Variants in ETS2 observed in about 807,000 individuals in gnomAD.
The protein encoded by ETS2 is protein C-ets-2.
In ETS2, 19 loss-of-function variants were observed where a neutral mutation model predicts 54.9. The ratio of observed to expected loss-of-function variants is 0.35; its 90% CI spans 0.24 to 0.51. The LOEUF (loss-of-function observed/expected upper bound fraction) is 0.51. Among genes scored for constraint, ETS2 ranks in the 20% least tolerant of loss-of-function variants. The pLI is 0.97. For synonymous variants in ETS2, 219 were observed against 229.3 expected (o/e 0.95, Z 0.41); for missense variants, 417 against 593.0 (o/e 0.70, Z 3.08).
At chr21:38,805,645 C>CG (rs2060888832), upstream of ETS2, 2 of 1,204,182 alleles carry the variant, frequency 1.7e-6, no homozygotes, top group Non-Finnish European at 2.1e-6. The surrounding 1 kb of genome is among the most constrained non-coding windows in gnomAD (Gnocchi z 5.2). Context: ...AGCCCCGCCC[C>CG]GCGCTCCCTC....
intron 7 of ETS2, among the ~76,000 whole-genome samples, chr21:38,819,275 T>C (rs1225917044): frequency 6.6e-6 from 1 of 152,258 alleles, no homozygotes; most frequent in Non-Finnish European, 1.5e-5. Flanking sequence ...CTGTATAGTA[T>C]TCCATTATAA....
rs1253487930 is a variant in ETS2, at chr21:38,806,557, C to T, written c.-1+437C>T. 1.9e-5 allele frequency: 19 copies of T among 985,352 alleles called. No individual in the cohort carries two copies. Among genetic ancestry groups the T allele is most frequent in the Non-Finnish European group, 2.3e-5 (19 of 830,014 alleles). The allele number at this position is 985,352 out of a possible 1,614,324, so 61.0% of individuals were successfully genotyped here. ...GAGCGTGTCCGAGGTGGCCTGGCGC[C>T]CCGGCTTTGAGGGTGACTTCCTGGA... On this transcript the variant is annotated intron_variant, in intron 1 of 9. Coordinates refer to ENST00000360938, the MANE Select transcript of ETS2 (RefSeq NM_005239.6). The surrounding 1 kb of genome is among the most constrained non-coding windows in gnomAD (Gnocchi z 4.3).
chr21:38,819,582 C>T lies in ETS2; in HGVS notation c.891C>T (p.Asn297=), dbSNP rs2060949254. The change falls in exon 8 of 10, where the codon AAC becomes AAT. Residue 297 remains asparagine, a synonymous_variant. Coordinates refer to ENST00000360938, the MANE Select transcript of ETS2 (RefSeq NM_005239.6). ...ESSDSLLQSW[N]SQSSLLDVQR... is the part of the protein sequence containing the mutation. ...CAGACTCCCTCCTCCAGTCCTGGAACAGCCAGTCGTCCTTGCTGGATGTGC... is the reference window on the plus strand; with the variant it reads ...CAGACTCCCTCCTCCAGTCCTGGAATAGCCAGTCGTCCTTGCTGGATGTGC... 1.2e-6 allele frequency: 2 copies of T among 1,614,198 alleles called. No homozygotes were observed. The highest frequency in any genetic ancestry group is 2.2e-5 in the East Asian group (1 of 44,880).
upstream of ETS2, chr21:38,805,399 G>A (rs1261799183): frequency 3.6e-5 from 46 of 1,288,720 alleles, no homozygotes; most frequent in Non-Finnish European, 4.6e-5. The surrounding 1 kb of genome is among the most constrained non-coding windows in gnomAD (Gnocchi z 5.2). Context: ...CTGCCCTTCG[G>A]TGCCACCAGC....
rs568367551 is a variant in ETS2 at position 38,819,598 on chromosome 21, C to A, written c.907C>A (p.Leu303Met). 7.4e-6 allele frequency: 12 copies of A among 1,614,214 alleles called. No homozygotes were observed. In the South Asian group the frequency reaches 1.3e-4, roughly 18 times the overall value. Residue 303 changes from leucine to methionine, a missense_variant, in exon 8 of 10, where the codon CTG becomes ATG. By Grantham distance (15) the Leu-to-Met change is conservative. This residue lies in a region of ETS2 where 326 missense variants were observed against 426.1 expected (regional missense o/e 0.76). Transcript: ENST00000360938. Reference sequence around the variant, plus strand: ...GTCCTGGAACAGCCAGTCGTCCTTGCTGGATGTGCAACGGGTTCCTTCCTT... The same window carrying A: ...GTCCTGGAACAGCCAGTCGTCCTTGATGGATGTGCAACGGGTTCCTTCCTT... ...LQSWNSQSSLLDVQRVPSFES... is the reference protein window; with the variant it reads ...LQSWNSQSSLMDVQRVPSFES...
chr21:38,821,469 C>T lies in ETS2; in HGVS notation c.1076-117C>T. 3.8e-6 allele frequency: 3 copies of T among 782,508 alleles called. No homozygotes were observed. The highest frequency in any genetic ancestry group is 3.1e-5 in the South Asian group (2 of 65,088). The allele number at this position is 782,508 out of a possible 1,614,324, so 48.5% of individuals were successfully genotyped here. A position where few individuals can be genotyped will look rare whatever the true frequency, so the allele number is the denominator to read the frequency against. On this transcript the variant is annotated intron_variant, in intron 8 of 9. Transcript: ENST00000360938. This position sits in a 1 kb window ranked among gnomAD's most constrained non-coding sequence, Gnocchi z 4.2. ...CACCCTGAGTGTAACATCGGAACCC[C>T]ATTCAGAGAGTTGGGTCTGCATTCC... is the stretch of plus-strand genomic sequence containing the variant.
chr21:38,819,837 C>T (rs2060950882), intron 8 of ETS2, 71 bp downstream of exon 8: 2 of 1,465,510 alleles, frequency 1.4e-6, no homozygotes. Flanking sequence ...TTTCGAGCCA[C>T]AGTACCACAT....
At chr21:38,816,252 G>A (rs966281333) in intron 5 of ETS2, among the ~76,000 whole-genome samples, 8 of 151,942 alleles carry the variant, frequency 5.3e-5, no homozygotes, top group African/African-American at 1.5e-4. Flanking sequence ...TCAGAATCTC[G>A]AAAACACCTA....
rs776789283 is a variant in ETS2 at position 38,814,869 on chromosome 21, G to T, written c.393G>T (p.Arg131Ser). The part of the protein sequence containing the change: ...EFSLVNVNLQ[R>S]FGMNGQMLCN... Reference sequence around the variant, plus strand: ...GTCTGGTGAACGTGAATCTGCAGAGGTTCGGCATGAATGGCCAGATGCTGT... The same window carrying T: ...GTCTGGTGAACGTGAATCTGCAGAGTTTCGGCATGAATGGCCAGATGCTGT... Residue 131 changes from arginine to serine, a missense_variant, in exon 5 of 10, where the codon AGG becomes AGT. Physicochemically the swap from Arg to Ser is moderately radical, Grantham distance 110. Coordinates refer to ENST00000360938, the MANE Select transcript of ETS2 (RefSeq NM_005239.6). The surrounding 1 kb of genome is among the most constrained non-coding windows in gnomAD (Gnocchi z 4.2). The T allele has an allele frequency of 6.2e-7, 1 of 1,614,184 alleles. No homozygotes were observed. The highest frequency in any genetic ancestry group is 8.5e-7 in the Non-Finnish European group (1 of 1,180,030).
intron 8 of ETS2, among the ~76,000 whole-genome samples, chr21:38,820,953 A>C (rs888789672): frequency 4.0e-4 from 61 of 152,286 alleles, no homozygotes; most frequent in Middle Eastern, 6.8e-3. Context: ...CTGCTTTGCA[A>C]GGTGGTAGTT....
rs138220874 is a variant in ETS2 at position 38,814,627 on chromosome 21, G to A, written c.305-154G>A. 1.2e-3 allele frequency among the ~76,000 whole-genome samples: 182 copies of A among 152,340 alleles called. No individual in the cohort carries two copies. The highest frequency in any genetic ancestry group is 4.2e-3 in the African/African-American group (176 of 41,574). On this transcript the variant is annotated intron_variant, in intron 4 of 9. Coordinates refer to ENST00000360938, the MANE Select transcript of ETS2 (RefSeq NM_005239.6). The surrounding 1 kb of genome is among the most constrained non-coding windows in gnomAD (Gnocchi z 4.2). ...TGGTGTCTTGAAATGTGCCTGGGTCGTGTCAGAATGGTGACGTGTCATCAT... is the reference window on the plus strand; with the variant it reads ...TGGTGTCTTGAAATGTGCCTGGGTCATGTCAGAATGGTGACGTGTCATCAT...
chr21:38,809,938 T>G, intron 1 of ETS2, 97 bp from the exon 2 acceptor site: 2 of 723,564 alleles, frequency 2.8e-6, no homozygotes, highest in Non-Finnish European at 4.5e-6. Flanking sequence ...ACCTGTTAGC[T>G]GTAGAACTCA....
Position 38,806,680 on chromosome 21 carries a change from G to A in ETS2, c.-1+560G>A, listed in dbSNP as rs1288353651. Reference sequence around the variant, plus strand: ...CGCGGGGTGCCATGGTCACCTGCTCGCCGCGTCCAGGGCCCGGGCTGGGGA... The same window carrying A: ...CGCGGGGTGCCATGGTCACCTGCTCACCGCGTCCAGGGCCCGGGCTGGGGA... On this transcript the variant is annotated intron_variant, in intron 1 of 9. Transcript: ENST00000360938. The surrounding 1 kb of genome is among the most constrained non-coding windows in gnomAD (Gnocchi z 4.3). 15 of 985,448 alleles carry A rather than the reference G, an allele frequency of 1.5e-5. No homozygotes were observed. The East Asian group carries it at 3.4e-4, about 22-fold the overall frequency. 61.0% of individuals were successfully genotyped at this position (985,448 alleles called of 1,614,324 possible).
chr21:38,805,354 C>G (rs1373631125), upstream of ETS2: 3 of 1,288,664 alleles, frequency 2.3e-6, no homozygotes, highest in East Asian at 1.1e-4. This position sits in a 1 kb window ranked among gnomAD's most constrained non-coding sequence, Gnocchi z 5.2. Context: ...AGAATGGGGT[C>G]GGCTCAATTT....
intron 9 of ETS2, 144 bp from the exon 10 acceptor site, chr21:38,822,530 A>G (rs970348291): frequency 7.5e-6 from 5 of 668,856 alleles, no homozygotes; most frequent in Admixed American, 5.6e-5. Flanking sequence ...GAGGTACTCA[A>G]AAGGTCCTCC....
rs1361203764 is a variant in ETS2, at chr21:38,822,866, G to A, written c.1387G>A (p.Val463Ile). ...TPEELHAILG[V>I]QPDTED ...CGAGGAACTGCACGCCATCCTGGGC[G>A]TCCAGCCCGACACGGAGGACTGAGG... The change falls in exon 10 of 10, where the codon GTC becomes ATC. Residue 463 changes from valine (V) to isoleucine (I), a missense_variant. By Grantham distance (29) the Val-to-Ile change is conservative. Coordinates refer to ENST00000360938, the MANE Select transcript of ETS2 (RefSeq NM_005239.6). The A allele has an allele frequency of 3.1e-6, 5 of 1,594,356 alleles. No homozygotes were observed. Among genetic ancestry groups the A allele is most frequent in the Admixed American group, 3.4e-5 (2 of 58,764 alleles).
In ETS2 at chr21:38,821,102, C is replaced by T. The variant is rs1220219249; in HGVS notation, c.1076-484C>T. On this transcript the variant is annotated intron_variant, in intron 8 of 9. Coordinates refer to ENST00000360938, the MANE Select transcript of ETS2 (RefSeq NM_005239.6). The surrounding 1 kb of genome is among the most constrained non-coding windows in gnomAD (Gnocchi z 4.2). ...TCACATTAAGCAATTTACACATGGT[C>T]ATTTGGCAGGAAGGTGGCATGGGAT... is the stretch of plus-strand genomic sequence containing the variant. Among the ~76,000 whole-genome samples, 1 of 152,146 alleles carries T rather than the reference C, an allele frequency of 6.6e-6. No homozygotes were observed. Among genetic ancestry groups the T allele is most frequent in the Non-Finnish European group, 1.5e-5 (1 of 68,016 alleles).
intron 2 of ETS2, 50 bp from the exon 3 acceptor site, chr21:38,812,953 C>T (rs1485633202): frequency 7.8e-7 from 1 of 1,280,340 alleles, no homozygotes. Context: ...ACAGGTAATT[C>T]AATCAGTTTA....
intron 1 of ETS2, chr21:38,809,714 C>T (rs2060906685): frequency 3.9e-6 from 1 of 259,602 alleles, no homozygotes; most frequent in African/African-American, 2.3e-5. Flanking sequence ...TGACCCAGGC[C>T]CTCTTGCCCT....
Sources: allele counts gnomAD v4.1 joint callset (sites outside exome capture counted in the v4.1 genomes callset), GRCh38; gene constraint gnomAD v4.1.1; regional missense constraint gnomAD v4.1.1; non-coding constraint Gnocchi (gnomAD v3.1); transcripts MANE v1.5; gene names NCBI Gene and HGNC (gene_info 2026-07-23, HGNC 2026-07-21).